The following AFF1 variants were observed in gnomAD, a reference collection of about 807,000 sequenced individuals.
AFF1 encodes AF4/FMR2 family member 1.
In AFF1, 48 loss-of-function variants were observed where a neutral mutation model predicts 121.7. That is an observed-to-expected ratio of 0.39 (90% CI 0.31 to 0.50). The LOEUF is 0.50. Among genes scored for constraint, AFF1 ranks in the 20% least tolerant of loss-of-function variants. AFF1 has a pLI of 0.76. For synonymous variants in AFF1, 613 were observed against 563.0 expected (o/e 1.09, Z -1.26); for missense variants, 1,523 against 1,511.7 (o/e 1.01, Z -0.12).
chr4:87,092,814 T>C (rs1007691495), intron 7 of AFF1, among the ~76,000 whole-genome samples: 2 of 152,156 alleles, frequency 1.3e-5, no homozygotes, highest in African/African-American at 4.8e-5. Context: ...TAGGTAAAAT[T>C]AACTGAAATG....
intron 2 of AFF1, among the ~76,000 whole-genome samples, chr4:87,021,984 C>T (rs1346900006): frequency 6.6e-6 from 1 of 152,148 alleles, no homozygotes; most frequent in Non-Finnish European, 1.5e-5. Flanking sequence ...CAGCGGATCA[C>T]CTGAGGTCAG....
At position 87,126,068 on chromosome 4, in the gene AFF1, C is replaced by G. The variant is rs771376268; in HGVS notation, c.2574-31C>G. On this transcript the variant is annotated intron_variant, in intron 13 of 20. Coordinates refer to ENST00000395146, the MANE Select transcript of AFF1 (RefSeq NM_001166693.3). ...AAGCCGCTTGATGTGTACTTTGCCT[C>G]CTCTTAGTTTTACGTGATGTTTCAC... 2.5e-6 allele frequency: 4 copies of G among 1,604,354 alleles called. No individual in the cohort carries two copies. In the Admixed American group the frequency reaches 6.7e-5, roughly 27 times the overall value.
chr4:87,128,147 A>G (rs1441636229), intron 16 of AFF1, among the ~76,000 whole-genome samples: 4 of 152,332 alleles, frequency 2.6e-5, no homozygotes, highest in Admixed American at 6.5e-5. Context: ...AAAACATTTC[A>G]CAAGGCAGGA....
At chr4:86,945,095 TGTGTCA>T (rs1935614451) in intron 1 of AFF1, among the ~76,000 whole-genome samples, 1 of 152,334 alleles carries the variant, frequency 6.6e-6, no homozygotes, top group African/African-American at 2.4e-5. Context: ...GCTGCTACCA[TGTGTCA>T]GTGTGCTAGG....
intron 8 of AFF1, among the ~76,000 whole-genome samples, chr4:87,104,607 G>A (rs1425431617): frequency 6.6e-6 from 1 of 152,168 alleles, no homozygotes; most frequent in Admixed American, 6.5e-5. Flanking sequence ...AAAACATAGT[G>A]ATTTTTACCA....
chr4:87,064,374 G>A (rs1009966334), intron 4 of AFF1, among the ~76,000 whole-genome samples: 1 of 152,204 alleles, frequency 6.6e-6, no homozygotes, highest in Non-Finnish European at 1.5e-5. Flanking sequence ...TTACAGGGTA[G>A]GAAGCTGGAA....
chr4:87,066,474 C>T (rs983472837), intron 4 of AFF1, among the ~76,000 whole-genome samples: 2 of 152,074 alleles, frequency 1.3e-5, no homozygotes. Flanking sequence ...GTAGTCTTAG[C>T]TGCTGAGGAG....
chr4:87,022,662 G>GTGTGTGTATGTATATAGC (rs1728114073), intron 2 of AFF1, among the ~76,000 whole-genome samples: 1 of 74,106 alleles, frequency 1.3e-5, no homozygotes, highest in Non-Finnish European at 2.8e-5. Context: ...GTATATATAT[G>GTGTGTGTATGTATATAGC]TGTGTGTATA....
intron 12 of AFF1, among the ~76,000 whole-genome samples, chr4:87,117,455 G>A (rs1727240211): frequency 6.6e-6 from 1 of 152,170 alleles, no homozygotes; most frequent in Non-Finnish European, 1.5e-5. Context: ...CATTCACCTG[G>A]TAGCCTTTAG....
chr4:87,007,087 C>A (rs1273492625), intron 2 of AFF1: 1 of 1,239,378 alleles, frequency 8.1e-7, no homozygotes, highest in Non-Finnish European at 1.0e-6. Context: ...GCTGGCTTTC[C>A]CTTCTCAGAA....
intron 4 of AFF1, among the ~76,000 whole-genome samples, chr4:87,051,254 G>T (rs1731226783): frequency 6.6e-6 from 1 of 152,172 alleles, no homozygotes; most frequent in South Asian, 2.1e-4. Flanking sequence ...GGCAGCATTG[G>T]TGGCAGTGGT....
intron 4 of AFF1, chr4:87,047,909 C>G: frequency 2.9e-6 from 1 of 343,004 alleles, no homozygotes; most frequent in South Asian, 3.1e-5. Context: ...CCTATAGGAT[C>G]CAAAACCCAA....
chr4:87,061,525 T>G (rs558824277), intron 4 of AFF1, among the ~76,000 whole-genome samples: 1 of 152,370 alleles, frequency 6.6e-6, no homozygotes, highest in South Asian at 2.1e-4. Context: ...GTTATATTAA[T>G]TTAGTTGCCA....
chr4:87,108,275 A>G lies in AFF1; in HGVS notation c.1493A>G (p.Asp498Gly), dbSNP rs1560632475. 2 of 1,614,006 alleles carry G rather than the reference A, an allele frequency of 1.2e-6. No individual in the cohort carries two copies. The highest frequency in any genetic ancestry group is 2.7e-5 in the African/African-American group (2 of 75,044). ...SDSESESSSSDSEENEPLETP... is the reference protein window; with the variant it reads ...SDSESESSSSGSEENEPLETP... ...TCAGAGAGCGAGAGCAGTTCAAGTG[A>G]CAGCGAAGAAAATGAGCCCCTAGAA... The change falls in exon 11 of 21, where the codon GAC becomes GGC. Residue 498 changes from aspartate (D) to glycine (G), a missense_variant. Asp to Gly is a moderately conservative substitution (Grantham distance 94, BLOSUM62 -1). This residue lies in a region of AFF1 where 905 missense variants were observed against 842.5 expected (regional missense o/e 1.07). Transcript: ENST00000395146.
chr4:87,049,700 A>C, intron 4 of AFF1: 1 of 456,084 alleles, frequency 2.2e-6, no homozygotes, highest in South Asian at 1.5e-5. Context: ...TCTCGGCCCG[A>C]GTTCTCATGC....
chr4:86,943,040 T>C (rs1241722232), intron 1 of AFF1, among the ~76,000 whole-genome samples: 1 of 152,240 alleles, frequency 6.6e-6, no homozygotes, highest in Non-Finnish European at 1.5e-5. Flanking sequence ...GACAGCATTG[T>C]CACATTAGCT....
intron 2 of AFF1, among the ~76,000 whole-genome samples, chr4:87,027,919 C>A (rs1295987178): frequency 1.3e-5 from 2 of 151,360 alleles, no homozygotes; most frequent in Admixed American, 1.3e-4. Flanking sequence ...CTCAGCCTCC[C>A]AAGTAGGTGG....
chr4:87,050,196 C>T (rs926106808), intron 4 of AFF1, among the ~76,000 whole-genome samples: 1 of 151,310 alleles, frequency 6.6e-6, no homozygotes, highest in African/African-American at 2.4e-5. Context: ...GGGTTTGGGG[C>T]AGAAGGGGAA....
chr4:86,936,580 T>G (rs1187591153), intron 1 of AFF1: 1 of 152,210 alleles, frequency 6.6e-6, no homozygotes, highest in Non-Finnish European at 1.5e-5. Flanking sequence ...GAGTCTAGTT[T>G]TTTTTCTTTG....
Sources: gnomAD v4.1 joint callset for allele counts (sites outside exome capture counted in the v4.1 genomes callset) on GRCh38, gnomAD v4.1.1 for gene constraint, gnomAD v4.1.1 regional missense constraint, MANE v1.5 for transcripts, NCBI Gene and HGNC (gene_info 2026-07-23, HGNC 2026-07-21) for gene names.